The following SCOC variants were observed in gnomAD, a reference collection of about 807,000 sequenced individuals.
SCOC encodes short coiled coil protein.
Under a neutral mutation model 9.9 loss-of-function variants are expected in SCOC, and 7 were observed. The observed-to-expected ratio is 0.71, with a 90% confidence interval of 0.40 to 1.33. The LOEUF (loss-of-function observed/expected upper bound fraction) is 1.33. Ranked by LOEUF, SCOC falls within the 40% of genes most tolerant of loss-of-function variation. The probability of loss-of-function intolerance (pLI) is 0.01; values close to 1 mark genes in which losing one functional copy is unlikely to be tolerated. For synonymous variants in SCOC, 19 were observed against 28.2 expected (o/e 0.67, Z 1.03); for missense variants, 66 against 89.7 (o/e 0.74, Z 1.07).
intron 1 of SCOC, among the ~76,000 whole-genome samples, chr4:140,302,691 A>C (rs1731845364): frequency 6.6e-6 from 1 of 152,212 alleles, no homozygotes; most frequent in South Asian, 2.1e-4. Flanking sequence ...TAGAAGAGGA[A>C]ATAAATCAGC....
intron 1 of SCOC, among the ~76,000 whole-genome samples, chr4:140,321,536 G>A (rs1732500093): frequency 1.3e-5 from 2 of 152,142 alleles, no homozygotes; most frequent in Admixed American, 6.5e-5. Context: ...AAACACAGTA[G>A]AAGATATGAA....
chr4:140,344,315 G>A (rs1726624267), intron 2 of SCOC, among the ~76,000 whole-genome samples: 3 of 152,070 alleles, frequency 2.0e-5, no homozygotes. Flanking sequence ...CCAAGTCCTT[G>A]GGTGTGTGTG....
chr4:140,285,165 G>A (rs78502223), intron 1 of SCOC: 3 of 456,670 alleles, frequency 6.6e-6, no homozygotes, highest in African/African-American at 2.0e-5. Context: ...CAGGAGTTGG[G>A]TCCCAAGGTC....
chr4:140,340,794 T>TTTTG (rs1726485667), upstream of SCOC, among the ~76,000 whole-genome samples: 1 of 91,740 alleles, frequency 1.1e-5, no homozygotes, highest in African/African-American at 3.7e-5. Context: ...TTTTTTTTTT[T>TTTTG]TTTTTTTTTT....
chr4:140,350,831 G>T (rs1726943587), intron 2 of SCOC, among the ~76,000 whole-genome samples: 1 of 152,154 alleles, frequency 6.6e-6, no homozygotes. Flanking sequence ...TAAAGTGAGT[G>T]CTTGGTACAT....
chr4:140,346,308 C>T (rs1726736641), intron 2 of SCOC, among the ~76,000 whole-genome samples: 1 of 152,188 alleles, frequency 6.6e-6, no homozygotes, highest in African/African-American at 2.4e-5. Context: ...ACATCGGCTA[C>T]TGGATGCCAG....
chr4:140,275,696 G>A (rs553467007), intron 1 of SCOC, among the ~76,000 whole-genome samples: 1 of 152,090 alleles, frequency 6.6e-6, no homozygotes, highest in South Asian at 2.1e-4. Flanking sequence ...GTACTGAGCA[G>A]ACATAAGTCC....
At chr4:140,328,926 C>G (rs902357305) in intron 1 of SCOC, among the ~76,000 whole-genome samples, 2 of 152,092 alleles carry the variant, frequency 1.3e-5, no homozygotes, top group Non-Finnish European at 2.9e-5. Context: ...AAAGTTGAAG[C>G]TTTTGCAGAA....
upstream of SCOC, among the ~76,000 whole-genome samples, chr4:140,370,801 G>A (rs1292485272): frequency 1.3e-5 from 2 of 151,744 alleles, no homozygotes; most frequent in South Asian, 2.1e-4. Flanking sequence ...AACCTTTCTG[G>A]CCGTTCAGTT....
At chr4:140,288,669 T>G (rs1471169430) in intron 1 of SCOC, among the ~76,000 whole-genome samples, 1 of 151,744 alleles carries the variant, frequency 6.6e-6, no homozygotes, top group Non-Finnish European at 1.5e-5. Context: ...ACAGCACACA[T>G]GTATATATAC....
intron 2 of SCOC, among the ~76,000 whole-genome samples, chr4:140,360,180 A>G (rs1295099788): frequency 1.3e-5 from 2 of 152,234 alleles, no homozygotes; most frequent in East Asian, 3.8e-4. Context: ...ACAAGTAGAG[A>G]ATGTTACTAA....
chr4:140,385,022 A>G lies in SCOC; in HGVS notation c.*3918A>G, dbSNP rs1442928016. The G allele has an allele frequency of 7.1e-6, 1 of 140,758 alleles. No individual in the cohort carries two copies. The allele number at this position is 140,758 out of a possible 1,614,324, so 8.7% of individuals were successfully genotyped here. A position where few individuals can be genotyped will look rare whatever the true frequency, so the allele number is the denominator to read the frequency against. Reference sequence around the variant, plus strand: ...CTCAGACTTCCAGCTTCCAAAACTGAGAAATAAATTTGTTTATAAGCCACC... The same window carrying G: ...CTCAGACTTCCAGCTTCCAAAACTGGGAAATAAATTTGTTTATAAGCCACC... On this transcript the variant is annotated 3_prime_UTR_variant, in exon 4 of 4. Transcript: ENST00000608372.
chr4:140,381,229 G>A lies in SCOC; in HGVS notation c.*125G>A, dbSNP rs527665705. On this transcript the variant is annotated 3_prime_UTR_variant, in exon 4 of 4. Transcript: ENST00000608372. ...AATATTTATGAAGATAATGTCAGAT[G>A]TAGACAAAAATAACACAATAACAGG... The A allele has an allele frequency of 3.2e-6, 3 of 927,892 alleles. No homozygotes were observed. The highest frequency in any genetic ancestry group is 2.0e-5 in the South Asian group (1 of 51,174). 57.5% of individuals were successfully genotyped at this position (927,892 alleles called of 1,614,324 possible).
intron 1 of SCOC, among the ~76,000 whole-genome samples, chr4:140,332,496 A>G (rs547156750): frequency 1.3e-5 from 2 of 149,930 alleles, no homozygotes; most frequent in Non-Finnish European, 3.0e-5. Flanking sequence ...CTCCTGACTC[A>G]GCCTCCTTAG....
At chr4:140,258,426 T>G (rs976365569) in intron 1 of SCOC, among the ~76,000 whole-genome samples, 1 of 152,180 alleles carries the variant, frequency 6.6e-6, no homozygotes, top group East Asian at 1.9e-4. Flanking sequence ...CGTCAAACAC[T>G]GGATTTTTTT....
upstream of SCOC, among the ~76,000 whole-genome samples, chr4:140,370,671 T>A (rs2567236): frequency 0.8 from 121,507 of 152,110 alleles, 49,073 homozygotes; most frequent in Non-Finnish European, 0.87. Flanking sequence ...AATTTTTGAT[T>A]CATTTCTATT....
At chr4:140,259,986 A>T (rs1045158745) in intron 1 of SCOC, among the ~76,000 whole-genome samples, 1 of 152,000 alleles carries the variant, frequency 6.6e-6, no homozygotes, top group Non-Finnish European at 1.5e-5. Context: ...ATCCTCCCCC[A>T]TTCCTTGAGG....
chr4:140,383,070 A>C lies in SCOC; in HGVS notation c.*1966A>C, dbSNP rs989310045. The C allele has an allele frequency of 1.3e-5, 2 of 152,276 alleles. No individual in the cohort carries two copies. Among genetic ancestry groups the C allele is most frequent in the African/African-American group, 4.8e-5 (2 of 41,472 alleles). 9.4% of individuals were successfully genotyped at this position (152,276 alleles called of 1,614,324 possible). ...GCAAGGTGTTATGGGCTGTGCCTGG[A>C]AATGGCTCATATATCTTCTCATATT... On this transcript the variant is annotated 3_prime_UTR_variant, in exon 4 of 4. Transcript: ENST00000608372.
intron 2 of SCOC, among the ~76,000 whole-genome samples, chr4:140,365,278 G>A (rs1292102698): frequency 6.6e-6 from 1 of 152,050 alleles, no homozygotes; most frequent in Admixed American, 6.5e-5. Flanking sequence ...AGAAGACATG[G>A]TGGAGATTGG....
Sources: allele counts gnomAD v4.1 joint callset (sites outside exome capture counted in the v4.1 genomes callset), GRCh38; gene constraint gnomAD v4.1.1; transcripts MANE v1.5; gene names NCBI Gene and HGNC (gene_info 2026-07-23, HGNC 2026-07-21).